The following MCC variants were observed in gnomAD, a reference collection of about 807,000 sequenced individuals.
MCC encodes the protein MCC regulator of Wnt signaling pathway.
A neutral mutation model predicts 116.2 loss-of-function variants in MCC; 90 were observed. The ratio of observed to expected loss-of-function variants is 0.77; its 90% CI spans 0.65 to 0.92. The LOEUF is 0.92. MCC is among the 40% of genes least tolerant of loss of function. The pLI is 0.00. For missense variants in MCC, 1,516 were observed against 1,312.2 expected, an observed-to-expected ratio of 1.16 and a Z score of -2.40; for synonymous variants, 578 against 510.5, an observed-to-expected ratio of 1.13 and a Z score of -1.78.
chr5:113,069,097 A>G (rs1753839327), intron 12 of MCC, among the ~76,000 whole-genome samples: 1 of 152,236 alleles, frequency 6.6e-6, no homozygotes, highest in Non-Finnish European at 1.5e-5. Flanking sequence ...CCATTCCTCC[A>G]TTGCAGTAGC....
At chr5:113,340,980 T>C (rs1428827425) in intron 2 of MCC, among the ~76,000 whole-genome samples, 1 of 152,122 alleles carries the variant, frequency 6.6e-6, no homozygotes, top group Non-Finnish European at 1.5e-5. Flanking sequence ...TAAACAGAAA[T>C]GCTTAGCAAA....
At position 113,434,547 on chromosome 5, in the gene MCC, A is replaced by T. The variant is rs1770785972; in HGVS notation, c.171-49335T>A. 3.1e-6 allele frequency: 5 copies of T among 1,612,748 alleles called. No individual in the cohort carries two copies. In the South Asian group the frequency reaches 4.4e-5, roughly 14 times the overall value. ...TCCCCGGGTTTTGATTAACTCGAGG[A>T]GGTCGCCCTGGACCGCGAGCTCCAT... is the stretch of plus-strand genomic sequence containing the variant. On this transcript the variant is annotated intron_variant, in intron 1 of 18. Coordinates refer to ENST00000408903, the MANE Select transcript of MCC (RefSeq NM_001085377.2). This position sits in a 1 kb window ranked among gnomAD's most constrained non-coding sequence, Gnocchi z 4.2.
At chr5:113,229,191 G>C (rs569569077) in intron 3 of MCC, among the ~76,000 whole-genome samples, 4 of 152,086 alleles carry the variant, frequency 2.6e-5, no homozygotes, top group Non-Finnish European at 5.9e-5. Context: ...CTGAAGAATC[G>C]GCAGAGACGA....
intron 7 of MCC, 118 bp from the exon 8 acceptor site, chr5:113,102,063 G>A (rs1294860555): frequency 1.1e-6 from 1 of 910,014 alleles, no homozygotes; most frequent in African/African-American, 1.7e-5. Context: ...GAACCACTTT[G>A]TTATAAATAG....
chr5:113,442,461 T>C (rs1771069999), intron 1 of MCC, among the ~76,000 whole-genome samples: 1 of 152,232 alleles, frequency 6.6e-6, no homozygotes, highest in African/African-American at 2.4e-5. Flanking sequence ...CTGTTCACTC[T>C]GATGGCAGTT....
intron 2 of MCC, among the ~76,000 whole-genome samples, chr5:113,352,969 G>C (rs1768314715): frequency 3.3e-5 from 5 of 152,112 alleles, no homozygotes; most frequent in Admixed American, 2.6e-4. Context: ...TAGGTCAATG[G>C]TCTCATGAGC....
At chr5:113,227,837 G>A (rs556401202) in intron 3 of MCC, among the ~76,000 whole-genome samples, 24 of 152,112 alleles carry the variant, frequency 1.6e-4, no homozygotes, top group South Asian at 4.2e-4. Context: ...CCATTATTCC[G>A]CATTTTTTAG....
chr5:113,262,210 G>A (rs1026476286), intron 3 of MCC, among the ~76,000 whole-genome samples: 19 of 151,900 alleles, frequency 1.3e-4, no homozygotes, highest in African/African-American at 3.6e-4. Flanking sequence ...TTTAGCACAT[G>A]CCTAAGCATA....
intron 5 of MCC, among the ~76,000 whole-genome samples, chr5:113,133,800 T>C (rs555635269): frequency 3.3e-4 from 51 of 152,350 alleles, no homozygotes; most frequent in African/African-American, 1.2e-3. Flanking sequence ...TTATTCCCTA[T>C]GCTTTGGTAG....
chr5:113,475,201 T>C (rs1487647088), intron 1 of MCC, among the ~76,000 whole-genome samples: 2 of 152,240 alleles, frequency 1.3e-5, no homozygotes, highest in African/African-American at 4.8e-5. Flanking sequence ...ACATTAAGTA[T>C]AAATGCTCTT....
At chr5:113,275,819 C>CTA (rs1765801399) in intron 3 of MCC, among the ~76,000 whole-genome samples, 1 of 152,124 alleles carries the variant, frequency 6.6e-6, no homozygotes, top group Middle Eastern at 3.2e-3. Flanking sequence ...AGGACTTTAA[C>CTA]ATCTACAGAT....
chr5:113,196,327 C>A (rs1762406083), intron 3 of MCC, among the ~76,000 whole-genome samples: 1 of 152,140 alleles, frequency 6.6e-6, no homozygotes, highest in African/African-American at 2.4e-5. Flanking sequence ...GCAGGTGAGC[C>A]CTGATGGAAG....
chr5:113,129,116 G>A (rs1186311256), intron 5 of MCC, among the ~76,000 whole-genome samples: 1 of 152,190 alleles, frequency 6.6e-6, no homozygotes, highest in Non-Finnish European at 1.5e-5. Context: ...GAAGGGTTGA[G>A]TGCCAATCCT....
chr5:113,195,044 A>AGAT (rs1308294282), intron 3 of MCC, among the ~76,000 whole-genome samples: 1 of 152,190 alleles, frequency 6.6e-6, no homozygotes, highest in Admixed American at 6.5e-5. Context: ...TGCCCATTTC[A>AGAT]GATAGTGATT....
intron 2 of MCC, among the ~76,000 whole-genome samples, chr5:113,374,106 T>A (rs1768914210): frequency 6.6e-6 from 1 of 152,120 alleles, no homozygotes; most frequent in African/African-American, 2.4e-5. Context: ...TTGCCCAGGC[T>A]GGTCTTGAAC....
At chr5:113,231,246 T>C (rs76235675) in intron 3 of MCC, among the ~76,000 whole-genome samples, 3,757 of 152,250 alleles carry the variant, frequency 0.025, 157 homozygotes, top group African/African-American at 0.085. Context: ...TCTCTCCCTT[T>C]TACCATAAGA....
In MCC at chr5:113,488,310, G is replaced by T. The variant is rs1167716730; in HGVS notation, c.105C>A (p.Gly35=). The change falls in exon 1 of 19, where the codon GGC becomes GGA. Residue 35 remains glycine, a synonymous_variant. Coordinates refer to ENST00000408903, the MANE Select transcript of MCC (RefSeq NM_001085377.2). ...AGAGGCGCCGCATCCTCTCCTCCTCGCCGGTGCTGGACGTGTCGCTGCTGC... is the reference window on the plus strand; with the variant it reads ...AGAGGCGCCGCATCCTCTCCTCCTCTCCGGTGCTGGACGTGTCGCTGCTGC... ...SSSSSDTSST[G]EEERMRRLFQ... is the part of the protein sequence containing the mutation. 5 of 1,589,592 alleles carry T rather than the reference G, an allele frequency of 3.1e-6. No individual in the cohort carries two copies. Among genetic ancestry groups the T allele is most frequent in the African/African-American group, 2.8e-5 (2 of 71,912 alleles).
In MCC at chr5:113,434,023, G is replaced by A; in HGVS notation, c.171-48811C>T. The A allele has an allele frequency of 7.4e-6, 12 of 1,614,026 alleles. No homozygotes were observed. Among genetic ancestry groups the A allele is most frequent in the Non-Finnish European group, 1.0e-5 (12 of 1,179,896 alleles). On this transcript the variant is annotated intron_variant, in intron 1 of 18. Transcript: ENST00000408903. The surrounding 1 kb of genome is among the most constrained non-coding windows in gnomAD (Gnocchi z 4.2). Reference sequence around the variant, plus strand: ...GAGGGAGATCCCCGTGCCTTGGGCTGCATCCAGCAGTGGCTGAGGATCTCG... The same window carrying A: ...GAGGGAGATCCCCGTGCCTTGGGCTACATCCAGCAGTGGCTGAGGATCTCG...
chr5:113,456,652 T>TC (rs397883311), intron 1 of MCC, among the ~76,000 whole-genome samples: 2 of 127,216 alleles, frequency 1.6e-5, no homozygotes, highest in Non-Finnish European at 3.5e-5. Flanking sequence ...TTTTTTTTTT[T>TC]AGTAGAGACG....
Sources: allele counts gnomAD v4.1 joint callset (sites outside exome capture counted in the v4.1 genomes callset), GRCh38; gene constraint gnomAD v4.1.1; non-coding constraint Gnocchi (gnomAD v3.1); transcripts MANE v1.5; gene names NCBI Gene and HGNC (gene_info 2026-07-23, HGNC 2026-07-21).